The following CNTN3 variants were observed in gnomAD, a reference collection of about 807,000 sequenced individuals.
CNTN3 encodes contactin 3.
Under a neutral mutation model 119.1 loss-of-function variants are expected in CNTN3, and 60 were observed. That is an observed-to-expected ratio of 0.50 (90% confidence interval 0.41 to 0.62). The LOEUF (loss-of-function observed/expected upper bound fraction) is 0.62. CNTN3 is among the 20% of genes least tolerant of loss of function. The probability of loss-of-function intolerance (pLI) is 0.00; values close to 1 mark genes in which losing one functional copy is unlikely to be tolerated. For synonymous variants in CNTN3, 450 were observed against 438.7 expected (o/e 1.03, Z -0.32); for missense variants, 1,101 against 1,242.4 (o/e 0.89, Z 1.71).
chr3:74,427,674 C>G (rs990726306), intron 4 of CNTN3, among the ~76,000 whole-genome samples: 1 of 152,004 alleles, frequency 6.6e-6, no homozygotes, highest in Admixed American at 6.6e-5. Context: ...GTGCTTTCCC[C>G]CTCCCCAACA....
chr3:74,349,577 T>C (rs1290556900), intron 11 of CNTN3, among the ~76,000 whole-genome samples: 2 of 152,236 alleles, frequency 1.3e-5, no homozygotes, highest in Admixed American at 6.5e-5. Flanking sequence ...TGAACTCTTG[T>C]ACTGCAACTT....
intron 4 of CNTN3, among the ~76,000 whole-genome samples, chr3:74,466,317 C>A (rs1702459909): frequency 6.6e-6 from 1 of 152,010 alleles, no homozygotes. Context: ...CTATTGAAGA[C>A]AAAAGGATTT....
chr3:74,571,028 A>C (rs1704324839), intron 1 of CNTN3, among the ~76,000 whole-genome samples: 1 of 152,234 alleles, frequency 6.6e-6, no homozygotes, highest in African/African-American at 2.4e-5. Flanking sequence ...AGTATAATAC[A>C]ATAGAATAGA....
chr3:74,531,028 T>C (rs1421069521), intron 1 of CNTN3, among the ~76,000 whole-genome samples: 1 of 151,822 alleles, frequency 6.6e-6, no homozygotes, highest in Non-Finnish European at 1.5e-5. Flanking sequence ...CCGGGCAAAA[T>C]ACTTAGCAGA....
chr3:74,264,580 G>A (rs1019702511), intron 22 of CNTN3, 79 bp from the exon 23 acceptor site: 6 of 854,422 alleles, frequency 7.0e-6, no homozygotes, highest in Non-Finnish European at 1.8e-6. Context: ...GATATTTGTG[G>A]TGTTCCCCCC....
chr3:74,544,539 G>C (rs980260643), intron 1 of CNTN3, among the ~76,000 whole-genome samples: 1 of 152,016 alleles, frequency 6.6e-6, no homozygotes, highest in African/African-American at 2.4e-5. Flanking sequence ...GAAAACATCA[G>C]TGTGAGATCA....
At position 74,350,829 on chromosome 3, in the gene CNTN3, A is replaced by T. The variant is rs187205071; in HGVS notation, c.1364+11061T>A. Among the ~76,000 whole-genome samples the T allele has an allele frequency of 7.0e-3, 950 of 135,134 alleles. 5 individuals are homozygous for T. Among genetic ancestry groups the T allele is most frequent in the Non-Finnish European group, 0.011 (764 of 66,804 alleles). 88.7% of individuals were successfully genotyped at this position (135,134 alleles called of 152,430 possible). ...TTAAATTAATGTAGAAACACAAAAT[A>T]AAAAAAAAAGCACATTCTCCCTTAT... On this transcript the variant is annotated intron_variant, in intron 11 of 22. Transcript: ENST00000263665.
chr3:74,298,533 T>C (rs1157190609), intron 17 of CNTN3, among the ~76,000 whole-genome samples: 1 of 151,976 alleles, frequency 6.6e-6, no homozygotes, highest in Admixed American at 6.6e-5. Flanking sequence ...AAAAATTATC[T>C]AATTCTTAAT....
At chr3:74,338,568 A>G (rs1703456728) in intron 11 of CNTN3, among the ~76,000 whole-genome samples, 1 of 151,854 alleles carries the variant, frequency 6.6e-6, no homozygotes, top group Admixed American at 6.6e-5. Flanking sequence ...ACTATAGGAG[A>G]CTGCCACCCA....
chr3:74,417,079 T>C (rs1333560299), intron 5 of CNTN3, among the ~76,000 whole-genome samples: 1 of 152,118 alleles, frequency 6.6e-6, no homozygotes, highest in African/African-American at 2.4e-5. Context: ...GCTCTGAGCC[T>C]TGGCTTGTCA....
chr3:74,522,469 C>T (rs1703557389), intron 1 of CNTN3, among the ~76,000 whole-genome samples: 3 of 151,922 alleles, frequency 2.0e-5, no homozygotes, highest in Admixed American at 2.0e-4. Flanking sequence ...GTTTGGGTTC[C>T]ACAACACAAA....
At position 74,444,582 on chromosome 3, in the gene CNTN3, C is replaced by G. The variant is rs78869834; in HGVS notation, c.359-19642G>C. ...AATTTTTTTTTAATGTCCAACAATG[C>G]TAACTTTCTTGTTTCAAGCAAAGAT... On this transcript the variant is annotated intron_variant, in intron 4 of 22. Transcript: ENST00000263665. Among the ~76,000 whole-genome samples the G allele has an allele frequency of 8.9e-3, 1,354 of 152,006 alleles. 18 individuals carry two copies. Among genetic ancestry groups the G allele is most frequent in the African/African-American group, 0.031 (1,268 of 41,452 alleles).
chr3:74,544,832 A>G (rs1372375746), intron 1 of CNTN3, among the ~76,000 whole-genome samples: 1 of 152,068 alleles, frequency 6.6e-6, no homozygotes, highest in Non-Finnish European at 1.5e-5. Context: ...TCTCCTGACC[A>G]CATGATCCTC....
chr3:74,330,012 G>A (rs1262995880), intron 13 of CNTN3, among the ~76,000 whole-genome samples: 1 of 152,120 alleles, frequency 6.6e-6, no homozygotes, highest in Non-Finnish European at 1.5e-5. Context: ...ACCACATAAG[G>A]ACTTTTTGGT....
intron 1 of CNTN3, among the ~76,000 whole-genome samples, chr3:74,606,454 G>T (rs142527001): frequency 6.6e-6 from 1 of 152,076 alleles, no homozygotes; most frequent in East Asian, 1.9e-4. Context: ...GTGTGTCTGT[G>T]TGTGTATACA....
chr3:74,563,632 T>C (rs1487960633), intron 1 of CNTN3, among the ~76,000 whole-genome samples: 1 of 152,066 alleles, frequency 6.6e-6, no homozygotes, highest in African/African-American at 2.4e-5. Context: ...AGCTATGGTA[T>C]AGCACATGAC....
intron 1 of CNTN3, among the ~76,000 whole-genome samples, chr3:74,550,207 G>C (rs139781020): frequency 6.6e-6 from 1 of 152,188 alleles, no homozygotes. Context: ...CTGCAAGAAA[G>C]CAGTGAATGG....
intron 1 of CNTN3, among the ~76,000 whole-genome samples, chr3:74,538,328 T>A (rs1346449924): frequency 6.6e-6 from 1 of 152,150 alleles, no homozygotes; most frequent in Non-Finnish European, 1.5e-5. Context: ...TTTGGTTACA[T>A]AATCCACTAA....
intron 19 of CNTN3, among the ~76,000 whole-genome samples, chr3:74,294,183 A>T (rs554584622): frequency 1.3e-5 from 2 of 152,284 alleles, no homozygotes; most frequent in East Asian, 3.9e-4. Context: ...CTTCATAAGA[A>T]GACAGCTGTG....
Sources: allele counts gnomAD v4.1 joint callset (sites outside exome capture counted in the v4.1 genomes callset), GRCh38; gene constraint gnomAD v4.1.1; transcripts MANE v1.5; gene names NCBI Gene and HGNC (gene_info 2026-07-23, HGNC 2026-07-21).